The following HGSNAT variants were observed in gnomAD, a reference collection of about 807,000 sequenced individuals.
HGSNAT encodes the protein heparan-alpha-glucosaminide N-acetyltransferase.
In HGSNAT, 59 loss-of-function variants were observed where a neutral mutation model predicts 85.2. That is an observed-to-expected ratio of 0.69 (90% CI 0.56 to 0.86). HGSNAT has a LOEUF of 0.86. HGSNAT is among the 40% of genes least tolerant of loss of function. HGSNAT has a pLI of 0.00. For missense variants in HGSNAT, 756 were observed against 777.1 expected (o/e 0.97, Z 0.32); for synonymous variants, 321 against 304.5 (o/e 1.05, Z -0.56).
intron 2 of HGSNAT, among the ~76,000 whole-genome samples, chr8:43,153,455 A>T (rs1802984641): frequency 6.6e-6 from 1 of 152,124 alleles, no homozygotes; most frequent in Non-Finnish European, 1.5e-5. Context: ...GGCCTCCCAA[A>T]GTGCTAGGAT....
rs1336237001 is a variant in HGSNAT, at chr8:43,192,445, A to T, written c.1377+15A>T. The T allele has an allele frequency of 6.2e-7, 1 of 1,600,556 alleles. No homozygotes were observed. Among genetic ancestry groups the T allele is most frequent in the Non-Finnish European group, 8.5e-7 (1 of 1,172,966 alleles). ...CATCTTCTGCTGTGAGTGAGACTCG[A>T]GTTCGCTTAGAACTGGAACTCAGGC... On this transcript the variant is annotated intron_variant, in intron 13 of 17. Coordinates refer to ENST00000379644, the MANE Select transcript of HGSNAT (RefSeq NM_152419.3).
chr8:43,146,738 T>C, intron 1 of HGSNAT, among the ~76,000 whole-genome samples: 1 of 151,714 alleles, frequency 6.6e-6, no homozygotes, highest in East Asian at 1.9e-4. Context: ...TGTGTGCACA[T>C]GCATGCATGT....
At chr8:43,157,020 AAAC>A (rs1187991979) in intron 2 of HGSNAT, among the ~76,000 whole-genome samples, 1 of 152,222 alleles carries the variant, frequency 6.6e-6, no homozygotes, top group Non-Finnish European at 1.5e-5. Context: ...GCAATAGAAG[AAAC>A]AACAAGCCAG....
At chr8:43,177,872 A>C (rs1194470994) in intron 9 of HGSNAT, among the ~76,000 whole-genome samples, 1 of 152,194 alleles carries the variant, frequency 6.6e-6, no homozygotes, top group African/African-American at 2.4e-5. Flanking sequence ...ACAGGACTTG[A>C]AGGTGCACTG....
At chr8:43,177,904 G>C (rs1424483182) in intron 9 of HGSNAT, among the ~76,000 whole-genome samples, 170 bp from the exon 10 acceptor site, 1 of 152,130 alleles carries the variant, frequency 6.6e-6, no homozygotes. Context: ...CCAGCCCCAT[G>C]GGGCTATATT....
At chr8:43,162,428 G>T (rs935928383) in intron 5 of HGSNAT, among the ~76,000 whole-genome samples, 3 of 152,216 alleles carry the variant, frequency 2.0e-5, no homozygotes, top group Non-Finnish European at 4.4e-5. Flanking sequence ...TTTAGGGATA[G>T]AGGAAGATTC....
At chr8:43,155,491 T>C (rs75429045) in intron 2 of HGSNAT, among the ~76,000 whole-genome samples, 3,621 of 152,316 alleles carry the variant, frequency 0.024, 138 homozygotes, top group African/African-American at 0.081. Context: ...TTTGAGTTCC[T>C]TATATATTCT....
At chr8:43,186,004 G>T (rs1804294938) in intron 11 of HGSNAT, among the ~76,000 whole-genome samples, 2 of 152,176 alleles carry the variant, frequency 1.3e-5, no homozygotes, top group South Asian at 4.1e-4. Flanking sequence ...GATCATGGTG[G>T]ATAAGCTTTT....
intron 2 of HGSNAT, among the ~76,000 whole-genome samples, chr8:43,149,059 T>C (rs1265889852): frequency 6.6e-6 from 1 of 151,718 alleles, no homozygotes; most frequent in African/African-American, 2.4e-5. Flanking sequence ...GAGGTGGCAG[T>C]GAGCTGAGAT....
At chr8:43,164,564 G>A (rs1303380410) in intron 5 of HGSNAT, among the ~76,000 whole-genome samples, 1 of 152,132 alleles carries the variant, frequency 6.6e-6, no homozygotes, top group African/African-American at 2.4e-5. Flanking sequence ...TGGATCGCTT[G>A]AACTCAGGAG....
intron 10 of HGSNAT, 194 bp from the exon 11 acceptor site, chr8:43,181,950 AG>A (rs1340263945): frequency 1.7e-6 from 1 of 596,868 alleles, no homozygotes; most frequent in African/African-American, 1.9e-5. Flanking sequence ...CTCTATTAAG[AG>A]GGATTGGCCT....
At chr8:43,178,755 T>C (rs1803906809) in intron 10 of HGSNAT, among the ~76,000 whole-genome samples, 1 of 149,880 alleles carries the variant, frequency 6.7e-6, no homozygotes, top group Non-Finnish European at 1.5e-5. Context: ...CCCTGCGGCC[T>C]TGGCCTTCCG....
Position 43,161,485 on chromosome 8 carries a change from T to C in HGSNAT, c.541T>C (p.Ser181Pro). 1 of 1,610,574 alleles carries C rather than the reference T, an allele frequency of 6.2e-7. No individual in the cohort carries two copies. The highest frequency in any genetic ancestry group is 8.5e-7 in the Non-Finnish European group (1 of 1,178,180). The change falls in exon 5 of 18, where the codon TCC (serine) becomes CCC (proline). Residue 181 changes from serine (S) to proline (P), a missense_variant. Transcript: ENST00000379644. ...LIGLAVIIVISFLRLLLSLDD... is the reference protein window; with the variant it reads ...LIGLAVIIVIPFLRLLLSLDD... ...TGGTCTTGCTGTCATCATTGTGATATCCTTTCTGAGGCTCTTGTTGAGGTA... is the reference window on the plus strand; with the variant it reads ...TGGTCTTGCTGTCATCATTGTGATACCCTTTCTGAGGCTCTTGTTGAGGTA...
chr8:43,193,665 G>C (rs1164622129), intron 13 of HGSNAT, 92 bp from the exon 14 acceptor site: 1 of 764,376 alleles, frequency 1.3e-6, no homozygotes. Context: ...TGACATACTG[G>C]AGTGTATTCA....
intron 11 of HGSNAT, among the ~76,000 whole-genome samples, chr8:43,189,327 G>A (rs984726817): frequency 6.6e-6 from 1 of 152,188 alleles, no homozygotes; most frequent in Non-Finnish European, 1.5e-5. Flanking sequence ...TCAAGCCTCA[G>A]CAATGGCGGA....
rs150600753 is a variant in HGSNAT, at chr8:43,149,040, C to T, written c.234+1977C>T. ...CTGAGGCAGGAGAATCGTTTAACCC[C>T]GGGAGGCAGAGGTGGCAGTGAGCTG... is the stretch of plus-strand genomic sequence containing the variant. On this transcript the variant is annotated intron_variant, in intron 2 of 17. Transcript: ENST00000379644. Among the ~76,000 whole-genome samples, 1,191 of 151,614 alleles carry T rather than the reference C, an allele frequency of 7.9e-3. 17 individuals carry two copies. Among genetic ancestry groups the T allele is most frequent in the African/African-American group, 0.027 (1,121 of 41,322 alleles).
Position 43,197,946 on chromosome 8 carries a change from T to C in HGSNAT, c.1720T>C (p.Tyr574His). 1.2e-6 allele frequency: 2 copies of C among 1,611,400 alleles called. No individual in the cohort carries two copies. Among genetic ancestry groups the C allele is most frequent in the Non-Finnish European group, 1.7e-6 (2 of 1,177,926 alleles). Residue 574 changes from tyrosine (Y) to histidine (H), a missense_variant, in exon 17 of 18, where the codon TAT becomes CAT. Transcript: ENST00000379644. ...GCTGTGGACAGGAACCCCATTCTTT[T>C]ATCCAGGTAAGTCACCTCCAACCTC... ...KGLWTGTPFF[Y>H]PGMNSILVYV...
chr8:43,198,280 C>CTTTT (rs59416007), intron 17 of HGSNAT, among the ~76,000 whole-genome samples: 42 of 90,340 alleles, frequency 4.6e-4, no homozygotes, highest in East Asian at 6.4e-4. Context: ...GTTTCTGGTT[C>CTTTT]TTTTTTTTTT....
rs201435854 is a variant in HGSNAT at position 43,197,652 on chromosome 8, C to T, written c.1543-20C>T. 2 of 1,572,860 alleles carry T rather than the reference C, an allele frequency of 1.3e-6. No individual in the cohort carries two copies. Among genetic ancestry groups the T allele is most frequent in the South Asian group, 1.1e-5 (1 of 90,078 alleles). ...AGATAATAATATAAAATGTTAACAT[C>T]CTTCTCTTCCCCATTACAGGGGCTC... On this transcript the variant is annotated intron_variant, in intron 15 of 17. Transcript: ENST00000379644.
Sources: allele counts gnomAD v4.1 joint callset (sites outside exome capture counted in the v4.1 genomes callset), GRCh38; gene constraint gnomAD v4.1.1; transcripts MANE v1.5; gene names NCBI Gene and HGNC (gene_info 2026-07-23, HGNC 2026-07-21).